TSC22D3: variants seen among roughly 807,000 people sequenced by gnomAD.
TSC22D3 encodes TSC22 domain family member 3.
In TSC22D3, 4 loss-of-function variants were observed where a neutral mutation model predicts 11.1. That is an observed-to-expected ratio of 0.36 (90% confidence interval 0.18 to 0.83). TSC22D3 has a LOEUF of 0.83. Ranked by LOEUF, TSC22D3 falls within the 40% of genes least tolerant of loss-of-function variation. TSC22D3 has a pLI of 0.48. For missense variants in TSC22D3, 118 were observed against 159.4 expected (o/e 0.74, Z 1.40); for synonymous variants, 77 against 70.3 (o/e 1.10, Z -0.48).
chrX:107,775,603 G>T lies in TSC22D3; in HGVS notation c.-184C>A. 2.6e-6 allele frequency: 1 copy of T among 388,209 alleles called. No individual in the cohort carries two copies. The highest frequency in any genetic ancestry group is 4.4e-6 in the Non-Finnish European group (1 of 225,132). 32.0% of individuals were successfully genotyped at this position (388,209 alleles called of 1,213,427 possible). A position where few individuals can be genotyped will look rare whatever the true frequency, so the allele number is the denominator to read the frequency against. The stretch of plus-strand genomic sequence containing the variant: ...GGCCCCCTTCTGGCTGTACTGCTCC[G>T]GGTGCGAATAGAAACAGCTGGACAA... On this transcript the variant is annotated 5_prime_UTR_variant, in exon 1 of 3. Coordinates refer to ENST00000372383, the MANE Select transcript of TSC22D3 (RefSeq NM_198057.3).
intron 1 of TSC22D3, among the ~76,000 whole-genome samples, chrX:107,735,561 C>T (rs1928094861): frequency 9.0e-6 from 1 of 110,895 alleles, no homozygotes; most frequent in African/African-American, 3.3e-5. Context: ...CATTTGATTC[C>T]AGGACCAAGT....
chrX:107,757,994 C>T (rs769906838), intron 1 of TSC22D3, among the ~76,000 whole-genome samples: 1 of 111,012 alleles, frequency 9.0e-6, no homozygotes, highest in East Asian at 2.8e-4. Context: ...CCACTGCACT[C>T]CAGCCTGGGT....
In TSC22D3 at chrX:107,740,461, A is replaced by C; in HGVS notation, c.321-24511T>G. On this transcript the variant is annotated intron_variant, in intron 1 of 2. Transcript: ENST00000372383. ...GCTGGGCCTGGTGGCACACGCCTGT[A>C]GTCCCATCTGCTCGGGAGGCTGAGG... is the stretch of plus-strand genomic sequence containing the variant. Among the ~76,000 whole-genome samples the C allele has an allele frequency of 2.7e-5, 3 of 111,938 alleles. No individual in the cohort carries two copies. In the South Asian group the frequency reaches 1.1e-3, roughly 42 times the overall value.
In TSC22D3 at chrX:107,720,617, C is replaced by T. The variant is rs193199947; in HGVS notation, c.321-4667G>A. On this transcript the variant is annotated intron_variant, in intron 1 of 2. Transcript: ENST00000372383. ...CTGAGGCAGAAGAATCACTTGAACCCGCGAGGCGGAGGTTGCAGTGAGCCG... is the reference window on the plus strand; with the variant it reads ...CTGAGGCAGAAGAATCACTTGAACCTGCGAGGCGGAGGTTGCAGTGAGCCG... Among the ~76,000 whole-genome samples, 460 of 111,354 alleles carry T rather than the reference C, an allele frequency of 4.1e-3. 4 individuals carry two copies. Among genetic ancestry groups the T allele is most frequent in the African/African-American group, 0.014 (442 of 30,531 alleles).
intron 1 of TSC22D3, among the ~76,000 whole-genome samples, chrX:107,733,128 G>T (rs1444448951): frequency 9.2e-6 from 1 of 108,980 alleles, no homozygotes; most frequent in African/African-American, 3.4e-5. Context: ...AATTATCTGT[G>T]TAACCCTGAG....
At position 107,714,650 on chromosome X, in the gene TSC22D3, G is replaced by T. The variant is rs370175174; in HGVS notation, c.472C>A (p.Arg158Ser). Residue 158 changes from arginine to serine, a missense_variant, in exon 3 of 3, where the codon CGT becomes AGT. Physicochemically the swap from Arg to Ser is moderately radical, Grantham distance 110. Transcript: ENST00000372383. ...ELVEKNSQLE[R>S]ENTLLKTLAS... is the part of the protein sequence containing the mutation. Reference sequence around the variant, plus strand: ...AGGGTCTTCAACAGGGTGTTCTCACGCTCTAGCTGGGAGTTCTTCTCCACC... The same window carrying T: ...AGGGTCTTCAACAGGGTGTTCTCACTCTCTAGCTGGGAGTTCTTCTCCACC... 1.7e-6 allele frequency: 2 copies of T among 1,209,549 alleles called. No individual in the cohort carries two copies. Among genetic ancestry groups the T allele is most frequent in the East Asian group, 3.0e-5 (1 of 33,744 alleles).
At chrX:107,748,065 C>T (rs183685485) in intron 1 of TSC22D3, among the ~76,000 whole-genome samples, 13 of 111,808 alleles carry the variant, frequency 1.2e-4, no homozygotes, top group African/African-American at 3.6e-4. Flanking sequence ...GCACTGCCCA[C>T]GGCCTTCTTC....
intron 1 of TSC22D3, among the ~76,000 whole-genome samples, chrX:107,722,729 C>A (rs1927404844): frequency 9.0e-6 from 1 of 111,235 alleles, no homozygotes; most frequent in Non-Finnish European, 1.9e-5. Context: ...TATTGTCCAT[C>A]TACAAGCAGG....
intron 1 of TSC22D3, among the ~76,000 whole-genome samples, chrX:107,750,125 G>C (rs1422075469): frequency 8.9e-6 from 1 of 111,942 alleles, no homozygotes; most frequent in Non-Finnish European, 1.9e-5. Context: ...AATAGCCACT[G>C]TACTCCAGCC....
chrX:107,724,310 C>A, intron 1 of TSC22D3, among the ~76,000 whole-genome samples: 1 of 112,984 alleles, frequency 8.9e-6, no homozygotes, highest in South Asian at 3.6e-4. Context: ...GGGGAGGGCC[C>A]CCCAACCATG....
At chrX:107,730,071 C>T (rs1421144718) in intron 1 of TSC22D3, among the ~76,000 whole-genome samples, 1 of 112,646 alleles carries the variant, frequency 8.9e-6, no homozygotes, top group Non-Finnish European at 1.9e-5. Flanking sequence ...GTACTGATTG[C>T]TTAGTGGGCA....
chrX:107,730,243 A>G (rs1475609680), intron 1 of TSC22D3, among the ~76,000 whole-genome samples: 1 of 111,879 alleles, frequency 8.9e-6, no homozygotes, highest in Non-Finnish European at 1.9e-5. Context: ...AATGGCAGAG[A>G]TCAGATGAAA....
chrX:107,757,921 T>A (rs1415867670), intron 1 of TSC22D3, among the ~76,000 whole-genome samples: 1 of 111,120 alleles, frequency 9.0e-6, no homozygotes, highest in Admixed American at 9.6e-5. Flanking sequence ...TGATGCACAG[T>A]CCCAGCTACT....
At chrX:107,760,960 G>T (rs762041765) in intron 1 of TSC22D3, among the ~76,000 whole-genome samples, 2 of 111,732 alleles carry the variant, frequency 1.8e-5, no homozygotes, top group Non-Finnish European at 3.8e-5. Context: ...GCAAGAAGAG[G>T]ACTGGTGAGA....
intron 2 of TSC22D3, 128 bp downstream of exon 2, chrX:107,715,771 G>C (rs769945068): frequency 1.3e-6 from 1 of 785,558 alleles, no homozygotes; most frequent in African/African-American, 2.0e-5. Context: ...AGTGCGGATA[G>C]GAGGCAGGCT....
chrX:107,721,961 A>C, intron 1 of TSC22D3: 1 of 473,907 alleles, frequency 2.1e-6, no homozygotes, highest in South Asian at 3.3e-5. Flanking sequence ...TTCTGGTTCC[A>C]CTCCAGTGTG....
At chrX:107,764,634 C>T (rs955416112) in intron 1 of TSC22D3, among the ~76,000 whole-genome samples, 12 of 111,742 alleles carry the variant, frequency 1.1e-4, no homozygotes, top group Middle Eastern at 4.6e-3. Context: ...CCCTGCAGGG[C>T]CATCAGCAAC....
Position 107,733,613 on chromosome X carries a change from C to T in TSC22D3, c.321-17663G>A, listed in dbSNP as rs761632428. ...GCCTTCCTCCACCAGCTGAGGACTT[C>T]TTGCCATGCTCTCTCCTTCTCTTGC... On this transcript the variant is annotated intron_variant, in intron 1 of 2. Transcript: ENST00000372383. Among the ~76,000 whole-genome samples the T allele has an allele frequency of 8.1e-4, 90 of 111,313 alleles. 1 individual carries two copies. Among genetic ancestry groups the T allele is most frequent in the Non-Finnish European group, 1.4e-3 (72 of 53,035 alleles).
intron 1 of TSC22D3, among the ~76,000 whole-genome samples, chrX:107,773,155 C>CT (rs2147797573): frequency 8.9e-6 from 1 of 112,798 alleles, no homozygotes; most frequent in East Asian, 2.8e-4. Flanking sequence ...TCAATAAACT[C>CT]GTATTAGTGG....
Sources: allele counts gnomAD v4.1 joint callset (sites outside exome capture counted in the v4.1 genomes callset), GRCh38; gene constraint gnomAD v4.1.1; transcripts MANE v1.5; gene names NCBI Gene and HGNC (gene_info 2026-07-23, HGNC 2026-07-21).